The following SLC9A9 variants were observed in gnomAD, a reference collection of about 807,000 sequenced individuals.
The protein encoded by SLC9A9 is sodium/hydrogen exchanger 9.
SLC9A9 carries 62 observed loss-of-function variants against 77.8 expected under a neutral mutation model. The observed-to-expected ratio is 0.80, with a 90% CI of 0.65 to 0.98. The LOEUF (loss-of-function observed/expected upper bound fraction) is 0.98. SLC9A9 is among the 50% of genes least tolerant of loss of function. SLC9A9 has a pLI of 0.00. For synonymous variants in SLC9A9, 320 were observed against 283.5 expected (o/e 1.13, Z -1.29); for missense variants, 775 against 774.9 (o/e 1.00, Z 0.00).
chr3:143,274,712 C>T (rs1402024742), intron 14 of SLC9A9, among the ~76,000 whole-genome samples: 2 of 152,148 alleles, frequency 1.3e-5, no homozygotes, highest in Non-Finnish European at 2.9e-5. Context: ...CACAAAGAAT[C>T]AAATGAGAAT....
chr3:143,630,531 T>C (rs550883846), intron 6 of SLC9A9, among the ~76,000 whole-genome samples: 1 of 152,318 alleles, frequency 6.6e-6, no homozygotes, highest in East Asian at 1.9e-4. Context: ...TATTTCTGCC[T>C]TGACTATTAT....
chr3:143,664,817 G>T (rs1468290522), intron 5 of SLC9A9, among the ~76,000 whole-genome samples: 1 of 152,166 alleles, frequency 6.6e-6, no homozygotes, highest in African/African-American at 2.4e-5. Context: ...CAATACAGGG[G>T]CACCCAGCTT....
chr3:143,667,153 A>C (rs1177774692), intron 5 of SLC9A9, among the ~76,000 whole-genome samples: 1 of 152,194 alleles, frequency 6.6e-6, no homozygotes, highest in East Asian at 1.9e-4. Context: ...AATGGAACAG[A>C]ACAGAGCCCT....
At chr3:143,585,655 G>C (rs2108672816) in intron 6 of SLC9A9, among the ~76,000 whole-genome samples, 1 of 152,250 alleles carries the variant, frequency 6.6e-6, no homozygotes, top group East Asian at 1.9e-4. Context: ...CAGATATTTT[G>C]GGCTAACATC....
Position 143,574,164 on chromosome 3 carries a change from G to T in SLC9A9, c.924C>A (p.Phe308Leu). ...LLTKFTKLCE[F>L]PMLETGLFFL... ...AAAACAGGCCGGTTTCCAGCATCGGGAACTCACACAGCTTGGTAAATTTGG... is the reference window on the plus strand; with the variant it reads ...AAAACAGGCCGGTTTCCAGCATCGGTAACTCACACAGCTTGGTAAATTTGG... The change falls in exon 8 of 16, where the codon TTC becomes TTA. Residue 308 changes from phenylalanine to leucine, a missense_variant. Transcript: ENST00000316549. 2 of 1,613,440 alleles carry T rather than the reference G, an allele frequency of 1.2e-6. No homozygotes were observed. Among genetic ancestry groups the T allele is most frequent in the South Asian group, 1.1e-5 (1 of 91,058 alleles).
At chr3:143,645,919 G>A (rs1471114842) in intron 6 of SLC9A9, among the ~76,000 whole-genome samples, 1 of 151,984 alleles carries the variant, frequency 6.6e-6, no homozygotes, top group African/African-American at 2.4e-5. Context: ...AAACCTGGAG[G>A]CATTTGCACA....
intron 6 of SLC9A9, among the ~76,000 whole-genome samples, chr3:143,581,554 C>T (rs1237713747): frequency 1.3e-5 from 2 of 151,626 alleles, no homozygotes; most frequent in Admixed American, 6.6e-5. Flanking sequence ...CTTCCTTTCT[C>T]TTTCTTTCTT....
intron 9 of SLC9A9, among the ~76,000 whole-genome samples, chr3:143,509,432 C>T (rs1344068572): frequency 6.6e-6 from 1 of 152,062 alleles, no homozygotes; most frequent in African/African-American, 2.4e-5. Context: ...GTTTTTTGAG[C>T]TTTCTTTTGA....
intron 9 of SLC9A9, among the ~76,000 whole-genome samples, chr3:143,504,587 G>A (rs2035979103): frequency 6.6e-6 from 1 of 152,092 alleles, no homozygotes; most frequent in Non-Finnish European, 1.5e-5. Context: ...AATCTTTGGA[G>A]ATCCTTCTAT....
At chr3:143,786,109 C>G (rs2008049743) in intron 4 of SLC9A9, among the ~76,000 whole-genome samples, 1 of 152,004 alleles carries the variant, frequency 6.6e-6, no homozygotes, top group Non-Finnish European at 1.5e-5. Flanking sequence ...CCCGTCTCGG[C>G]CTCCCAAAGT....
intron 8 of SLC9A9, among the ~76,000 whole-genome samples, chr3:143,569,587 C>CT (rs950800280): frequency 6.6e-6 from 1 of 151,920 alleles, no homozygotes; most frequent in African/African-American, 2.4e-5. Context: ...TATATTTTTT[C>CT]TTTTTTATTA....
intron 4 of SLC9A9, among the ~76,000 whole-genome samples, chr3:143,741,475 G>A (rs928747266): frequency 6.6e-6 from 1 of 152,140 alleles, no homozygotes; most frequent in Non-Finnish European, 1.5e-5. Context: ...GATGGTAAGA[G>A]ACAAATCTCT....
chr3:143,589,658 A>C (rs946440947), intron 6 of SLC9A9, among the ~76,000 whole-genome samples: 2 of 152,232 alleles, frequency 1.3e-5, no homozygotes, highest in Admixed American at 1.3e-4. Context: ...CTAACAAAGC[A>C]TTTCTTAGAA....
intron 9 of SLC9A9, among the ~76,000 whole-genome samples, chr3:143,543,142 T>A (rs1037246271): frequency 6.6e-6 from 1 of 152,256 alleles, no homozygotes; most frequent in African/African-American, 2.4e-5. Flanking sequence ...ATTATCTCTA[T>A]GCCTAAAAGG....
chr3:143,610,244 G>C (rs554625979), intron 6 of SLC9A9, among the ~76,000 whole-genome samples: 35 of 152,038 alleles, frequency 2.3e-4, no homozygotes, highest in South Asian at 1.0e-3. Context: ...GATCTCCCAG[G>C]CTCAAGCAAT....
chr3:143,485,044 T>C (rs1358675704), intron 11 of SLC9A9, among the ~76,000 whole-genome samples: 3 of 152,240 alleles, frequency 2.0e-5, no homozygotes, highest in Non-Finnish European at 4.4e-5. Context: ...AATTGTGGTT[T>C]ATTTTGGTCA....
intron 2 of SLC9A9, among the ~76,000 whole-genome samples, chr3:143,808,560 G>C (rs1462156996): frequency 6.6e-6 from 1 of 152,068 alleles, no homozygotes; most frequent in Non-Finnish European, 1.5e-5. Flanking sequence ...CTGACCTCTG[G>C]CTTTTAATAT....
At chr3:143,383,865 C>T (rs965798663) in intron 12 of SLC9A9, among the ~76,000 whole-genome samples, 35 of 152,166 alleles carry the variant, frequency 2.3e-4, no homozygotes, top group African/African-American at 8.4e-4. Flanking sequence ...TGAGAAGCCT[C>T]CAGTCAAGCA....
intron 5 of SLC9A9, among the ~76,000 whole-genome samples, chr3:143,669,489 A>G (rs2039125285): frequency 6.6e-6 from 1 of 152,208 alleles, no homozygotes; most frequent in Non-Finnish European, 1.5e-5. Context: ...TCATCTTCAG[A>G]ACACCTGGAG....
Sources: allele counts gnomAD v4.1 joint callset (sites outside exome capture counted in the v4.1 genomes callset), GRCh38; gene constraint gnomAD v4.1.1; transcripts MANE v1.5; gene names NCBI Gene and HGNC (gene_info 2026-07-23, HGNC 2026-07-21).